Variants in KIF26B observed in about 807,000 individuals in gnomAD.
The protein encoded by KIF26B is kinesin-like protein KIF26B.
KIF26B carries 63 observed loss-of-function variants against 151.2 expected under a neutral mutation model. The ratio of observed to expected loss-of-function variants is 0.42; its 90% CI spans 0.34 to 0.51. The LOEUF (loss-of-function observed/expected upper bound fraction) is 0.51, where lower values mean the gene tolerates loss of function less well. Among genes scored for constraint, KIF26B ranks in the 20% least tolerant of loss-of-function variants. KIF26B has a pLI of 0.07. For missense variants in KIF26B, 2,813 were observed against 2,913.6 expected, an observed-to-expected ratio of 0.97 and a Z score of 0.79; for synonymous variants, 1,357 against 1,262.1, an observed-to-expected ratio of 1.08 and a Z score of -1.59.
chr1:245,447,883 TG>T (rs1455374242), intron 4 of KIF26B, among the ~76,000 whole-genome samples: 1 of 152,250 alleles, frequency 6.6e-6, no homozygotes, highest in Non-Finnish European at 1.5e-5. Context: ...ACACTGCCTA[TG>T]GGGTAGCCCT....
chr1:245,398,648 G>T (rs73126094), intron 3 of KIF26B, among the ~76,000 whole-genome samples: 1 of 152,124 alleles, frequency 6.6e-6, no homozygotes, highest in East Asian at 1.9e-4. Flanking sequence ...CATTTTCTAC[G>T]CAAAAGTCCA....
In KIF26B at chr1:245,702,139, T is replaced by C. The variant is rs1372137927; in HGVS notation, c.6179-319T>C. Among the ~76,000 whole-genome samples, 1 of 152,030 alleles carries C rather than the reference T, an allele frequency of 6.6e-6. No individual in the cohort carries two copies. The highest frequency in any genetic ancestry group is 1.9e-4 in the East Asian group (1 of 5,174). ...TACTTGATTGATTGATAGTGAATAGTGTGGTAGCGTCTCTCAAATCCTGGG... is the reference window on the plus strand; with the variant it reads ...TACTTGATTGATTGATAGTGAATAGCGTGGTAGCGTCTCTCAAATCCTGGG... On this transcript the variant is annotated intron_variant, in intron 14 of 14. Transcript: ENST00000407071. This position sits in a 1 kb window ranked among gnomAD's most constrained non-coding sequence, Gnocchi z 4.1.
chr1:245,303,881 A>G (rs986023464), intron 2 of KIF26B, among the ~76,000 whole-genome samples: 6 of 152,208 alleles, frequency 3.9e-5, no homozygotes, highest in African/African-American at 1.4e-4. Context: ...GTGACACCAC[A>G]TGAAGAGGGA....
At chr1:245,317,890 C>T (rs928414299) in intron 2 of KIF26B, among the ~76,000 whole-genome samples, 1 of 152,174 alleles carries the variant, frequency 6.6e-6, no homozygotes, top group Non-Finnish European at 1.5e-5. Context: ...AGTTTGCTAA[C>T]GTAGAGTGGC....
chr1:245,554,343 G>A (rs1408617766), intron 5 of KIF26B, among the ~76,000 whole-genome samples: 1 of 152,182 alleles, frequency 6.6e-6, no homozygotes, highest in East Asian at 1.9e-4. Context: ...AAGATGTGGA[G>A]AATAGCACAG....
intron 2 of KIF26B, among the ~76,000 whole-genome samples, chr1:245,182,295 TG>T (rs1358103322): frequency 4.6e-5 from 7 of 152,244 alleles, no homozygotes; most frequent in Non-Finnish European, 7.3e-5. Flanking sequence ...ATTTTCCTTT[TG>T]TAGCATTTTA....
At chr1:245,379,291 A>G (rs1240042118) in intron 3 of KIF26B, among the ~76,000 whole-genome samples, 1 of 152,228 alleles carries the variant, frequency 6.6e-6, no homozygotes, top group Non-Finnish European at 1.5e-5. Flanking sequence ...TGAAAGGCTC[A>G]TTGACCAGTT....
Position 245,698,858 on chromosome 1 carries a change from G to A in KIF26B, c.6028-29G>A. ...GTGTGGGCTGGGTGTGAGCAGAAGG[G>A]CCCTTTCTCCTCTCTGTCTGTGTGC... is the stretch of plus-strand genomic sequence containing the variant. On this transcript the variant is annotated intron_variant, in intron 13 of 14. Coordinates refer to ENST00000407071, the MANE Select transcript of KIF26B (RefSeq NM_018012.4). This position sits in a 1 kb window ranked among gnomAD's most constrained non-coding sequence, Gnocchi z 4.0. 1 of 1,605,234 alleles carries A rather than the reference G, an allele frequency of 6.2e-7. No individual in the cohort carries two copies.
At chr1:245,260,917 A>T (rs1296233513) in intron 2 of KIF26B, among the ~76,000 whole-genome samples, 1 of 152,172 alleles carries the variant, frequency 6.6e-6, no homozygotes, top group Admixed American at 6.5e-5. Flanking sequence ...CTCTCTGTAG[A>T]TGCTTATTGA....
chr1:245,165,003 G>T (rs1189627691), intron 2 of KIF26B, among the ~76,000 whole-genome samples: 1 of 152,100 alleles, frequency 6.6e-6, no homozygotes, highest in African/African-American at 2.4e-5. Flanking sequence ...CCCGGGAGGC[G>T]GAGGTTGTAG....
intron 5 of KIF26B, among the ~76,000 whole-genome samples, chr1:245,552,856 TC>T (rs1661926225): frequency 6.6e-6 from 1 of 152,170 alleles, no homozygotes; most frequent in Admixed American, 6.5e-5. Context: ...TGCCTTGGCC[TC>T]CCAAAGTGTT....
chr1:245,521,040 T>G (rs563298824), intron 4 of KIF26B, among the ~76,000 whole-genome samples: 1 of 152,182 alleles, frequency 6.6e-6, no homozygotes, highest in Non-Finnish European at 1.5e-5. Flanking sequence ...CTGTACCCGT[T>G]AAAAAGCAAT....
intron 2 of KIF26B, among the ~76,000 whole-genome samples, chr1:245,173,348 CA>C (rs1275891884): frequency 5.9e-5 from 9 of 151,718 alleles, no homozygotes; most frequent in African/African-American, 1.9e-4. Flanking sequence ...TATGAGAGGT[CA>C]ATGTTATGTT....
At chr1:245,654,926 A>G (rs2044057369) in intron 10 of KIF26B, among the ~76,000 whole-genome samples, 1 of 152,266 alleles carries the variant, frequency 6.6e-6, no homozygotes, top group African/African-American at 2.4e-5. Context: ...AAGTGAGATC[A>G]CGAGCTTTTC....
chr1:245,363,492 G>A (rs779331904), intron 2 of KIF26B, among the ~76,000 whole-genome samples: 4 of 152,102 alleles, frequency 2.6e-5, no homozygotes, highest in Admixed American at 6.5e-5. Context: ...CATCACGCCC[G>A]GCCTCCTTTT....
chr1:245,316,979 A>G (rs549284909), intron 2 of KIF26B, among the ~76,000 whole-genome samples: 1 of 151,574 alleles, frequency 6.6e-6, no homozygotes, highest in African/African-American at 2.4e-5. Flanking sequence ...TGTAGTCAGG[A>G]GTGCATATTG....
chr1:245,694,333 G>A (rs2044662578), intron 12 of KIF26B, among the ~76,000 whole-genome samples: 1 of 152,178 alleles, frequency 6.6e-6, no homozygotes, highest in Non-Finnish European at 1.5e-5. Flanking sequence ...CAACATTAGT[G>A]CCTCGTGCTT....
At chr1:245,179,757 C>T (rs574935185) in intron 2 of KIF26B, among the ~76,000 whole-genome samples, 2 of 152,260 alleles carry the variant, frequency 1.3e-5, no homozygotes, top group East Asian at 1.9e-4. Context: ...GGGTAGAATT[C>T]GGGTAATCCA....
intron 4 of KIF26B, among the ~76,000 whole-genome samples, chr1:245,521,964 T>G (rs111397907): frequency 0.14 from 21,082 of 147,522 alleles, 2,005 homozygotes; most frequent in Middle Eastern, 0.24. Context: ...CTGCCTCCCG[T>G]GTTCACGCCA....
Sources: gnomAD v4.1 joint callset for allele counts (sites outside exome capture counted in the v4.1 genomes callset) on GRCh38, gnomAD v4.1.1 for gene constraint, Gnocchi (gnomAD v3.1) non-coding constraint, MANE v1.5 for transcripts, NCBI Gene and HGNC (gene_info 2026-07-23, HGNC 2026-07-21) for gene names.